Variants in DPYD observed in about 807,000 individuals in gnomAD.
The protein encoded by DPYD is dihydropyrimidine dehydrogenase [NADP(+)].
In DPYD, 109 loss-of-function variants were observed where a neutral mutation model predicts 116.2. The observed-to-expected ratio is 0.94, with a 90% CI of 0.80 to 1.10. The LOEUF is 1.10. DPYD is among the 50% of genes least tolerant of loss of function. DPYD has a pLI of 0.00. For missense variants in DPYD, 1,302 were observed against 1,254.5 expected (o/e 1.04, Z -0.57); for synonymous variants, 440 against 432.0 (o/e 1.02, Z -0.23).
intron 8 of DPYD, among the ~76,000 whole-genome samples, chr1:97,612,450 G>A (rs887608452): frequency 6.6e-6 from 1 of 151,932 alleles, no homozygotes; most frequent in South Asian, 2.1e-4. Context: ...CAAATGAAGG[G>A]GTTAATGGTA....
At chr1:97,121,774 GAAATAAA>G (rs1399013025) in intron 20 of DPYD, among the ~76,000 whole-genome samples, 5 of 152,076 alleles carry the variant, frequency 3.3e-5, no homozygotes, top group Non-Finnish European at 5.9e-5. Flanking sequence ...ATGTGTGGCT[GAAATAAA>G]AAATAAACCT....
At chr1:97,316,447 G>A (rs1018114974) in intron 16 of DPYD, among the ~76,000 whole-genome samples, 1 of 151,432 alleles carries the variant, frequency 6.6e-6, no homozygotes, top group Admixed American at 6.6e-5. Context: ...CCAGGAGGTG[G>A]AGGCTGCAGT....
chr1:97,108,993 T>C (rs780158768), intron 20 of DPYD, among the ~76,000 whole-genome samples: 1 of 152,146 alleles, frequency 6.6e-6, no homozygotes, highest in Non-Finnish European at 1.5e-5. Flanking sequence ...AGAATGATCA[T>C]TGATCTTAGA....
At chr1:97,211,726 G>C (rs1660046097) in intron 19 of DPYD, among the ~76,000 whole-genome samples, 1 of 152,092 alleles carries the variant, frequency 6.6e-6, no homozygotes, top group Admixed American at 6.6e-5. Flanking sequence ...GAACACACTT[G>C]AGAAATATAG....
intron 5 of DPYD, chr1:97,720,589 G>C (rs1049113921): frequency 9.0e-7 from 1 of 1,112,760 alleles, no homozygotes; most frequent in Non-Finnish European, 1.1e-6. Flanking sequence ...GAATAACCCT[G>C]ATTTATTACT....
intron 11 of DPYD, among the ~76,000 whole-genome samples, chr1:97,559,733 A>G (rs1268690588): frequency 6.6e-6 from 1 of 152,158 alleles, no homozygotes; most frequent in African/African-American, 2.4e-5. Flanking sequence ...TTTAGTACAT[A>G]AGTAAATGTG....
intron 8 of DPYD, among the ~76,000 whole-genome samples, chr1:97,639,861 G>A (rs1331498659): frequency 6.6e-6 from 1 of 152,168 alleles, no homozygotes; most frequent in Non-Finnish European, 1.5e-5. Flanking sequence ...TCAAACGCAT[G>A]TGTATGAACA....
chr1:97,326,950 A>G (rs767757774), intron 16 of DPYD, among the ~76,000 whole-genome samples: 29 of 152,080 alleles, frequency 1.9e-4, no homozygotes, highest in Non-Finnish European at 3.8e-4. Flanking sequence ...GTTACAAGGC[A>G]ATAAGTGTAT....
At chr1:97,536,531 G>T (rs1364584164) in intron 12 of DPYD, among the ~76,000 whole-genome samples, 3 of 152,226 alleles carry the variant, frequency 2.0e-5, no homozygotes, top group African/African-American at 7.2e-5. Context: ...TTTATCTGAA[G>T]CAGTAGAGGA....
At position 97,353,103 on chromosome 1, in the gene DPYD, G is replaced by A. The variant is rs183731115; in HGVS notation, c.2058+20458C>T. ...GGAACAAGATGACAGGAAAAGAGCA[G>A]CATGGAATCTAGTAAGAAAAAGAAA... On this transcript the variant is annotated intron_variant, in intron 16 of 22. Transcript: ENST00000370192. Among the ~76,000 whole-genome samples, 61 of 152,250 alleles carry A rather than the reference G, an allele frequency of 4.0e-4. 2 individuals are homozygous for A. The East Asian group carries it at 0.011, about 28-fold the overall frequency.
intron 13 of DPYD, among the ~76,000 whole-genome samples, chr1:97,461,036 T>G (rs1010145861): frequency 7.1e-5 from 10 of 141,732 alleles, no homozygotes; most frequent in Admixed American, 2.1e-4. Flanking sequence ...AAACTCCATC[T>G]GAAAAAAAAA....
chr1:97,904,674 T>C (rs1673521920), intron 1 of DPYD, among the ~76,000 whole-genome samples: 1 of 152,048 alleles, frequency 6.6e-6, no homozygotes, highest in Non-Finnish European at 1.5e-5. Flanking sequence ...TCTCTAAAAA[T>C]GTACTGTTCT....
chr1:97,250,655 G>T (rs1663026794), intron 18 of DPYD, among the ~76,000 whole-genome samples: 5 of 152,172 alleles, frequency 3.3e-5, no homozygotes. Flanking sequence ...ACACATGGAA[G>T]TAGCAGGGAA....
chr1:97,112,270 A>G (rs1370953133), intron 20 of DPYD, among the ~76,000 whole-genome samples: 1 of 152,138 alleles, frequency 6.6e-6, no homozygotes, highest in Admixed American at 6.6e-5. Flanking sequence ...AAGGGAAGTC[A>G]ATGGATTAAG....
At chr1:97,307,668 A>G (rs937049668) in intron 16 of DPYD, among the ~76,000 whole-genome samples, 5 of 151,926 alleles carry the variant, frequency 3.3e-5, no homozygotes, top group African/African-American at 1.2e-4. Context: ...ATATTAAAAA[A>G]GTGCTATATG....
chr1:97,098,784 C>A lies in DPYD; in HGVS notation c.2623-152G>T. On this transcript the variant is annotated intron_variant, in intron 20 of 22. Coordinates refer to ENST00000370192, the MANE Select transcript of DPYD (RefSeq NM_000110.4). Reference sequence around the variant, plus strand: ...CTAGGTCTTCACTCATTGTTTTGGACCACTAGTCTTCTCGGTATCAGGTTC... The same window carrying A: ...CTAGGTCTTCACTCATTGTTTTGGAACACTAGTCTTCTCGGTATCAGGTTC... The A allele has an allele frequency of 3.5e-6, 3 of 865,216 alleles. No homozygotes were observed. In the South Asian group the frequency reaches 5.0e-5, roughly 14 times the overall value. The allele number at this position is 865,216 out of a possible 1,614,324, so 53.6% of individuals were successfully genotyped here.
chr1:97,381,678 A>G (rs182311537), intron 15 of DPYD, among the ~76,000 whole-genome samples: 189 of 152,340 alleles, frequency 1.2e-3, no homozygotes, highest in African/African-American at 4.4e-3. Flanking sequence ...GTTCATTGGT[A>G]TAGTTAGATT....
chr1:97,768,041 G>A (rs1178132285), intron 3 of DPYD, among the ~76,000 whole-genome samples: 1 of 151,986 alleles, frequency 6.6e-6, no homozygotes, highest in East Asian at 1.9e-4. Context: ...CCATGAATAA[G>A]TTTACAATGC....
chr1:97,531,006 TTTTG>T (rs1649582337), intron 12 of DPYD, among the ~76,000 whole-genome samples: 1 of 141,968 alleles, frequency 7.0e-6, no homozygotes, highest in African/African-American at 3.1e-5. Context: ...TTCTTATATT[TTTTG>T]GAAATTAACT....
Sources: gnomAD v4.1 joint callset for allele counts (sites outside exome capture counted in the v4.1 genomes callset) on GRCh38, gnomAD v4.1.1 for gene constraint, MANE v1.5 for transcripts, NCBI Gene and HGNC (gene_info 2026-07-23, HGNC 2026-07-21) for gene names.